The following ITGB5 variants were observed in gnomAD, a reference collection of about 807,000 sequenced individuals.
The protein encoded by ITGB5 is integrin subunit beta 5.
In ITGB5, 38 loss-of-function variants were observed where a neutral mutation model predicts 84.8. That is an observed-to-expected ratio of 0.45 (90% CI 0.35 to 0.59). The LOEUF (loss-of-function observed/expected upper bound fraction) is 0.59, where lower values mean the gene tolerates loss of function less well. Among genes scored for constraint, ITGB5 ranks in the 20% least tolerant of loss-of-function variants. ITGB5 has a pLI of 0.01. For synonymous variants in ITGB5, 393 were observed against 414.4 expected (o/e 0.95, Z 0.63); for missense variants, 905 against 1,034.5 (o/e 0.87, Z 1.72).
Position 124,796,404 on chromosome 3 carries a change from C to T in ITGB5, c.1677G>A (p.Lys559=). ...ECDNFSCARN[K]GVLCSGHGEC... is the part of the protein sequence containing the mutation. Reference sequence around the variant, plus strand: ...GACACTTACCTGAGCAGAGGACTCCCTTGTTCCTGGCACAGGAGAAGTTGT... The same window carrying T: ...GACACTTACCTGAGCAGAGGACTCCTTTGTTCCTGGCACAGGAGAAGTTGT... The change falls in exon 10 of 15, where the codon AAG becomes AAA. Residue 559 remains lysine (K), a synonymous_variant. Coordinates refer to ENST00000296181, the MANE Select transcript of ITGB5 (RefSeq NM_002213.5). 6.2e-7 allele frequency: 1 copy of T among 1,611,810 alleles called. No homozygotes were observed. Among genetic ancestry groups the T allele is most frequent in the Non-Finnish European group, 8.5e-7 (1 of 1,178,620 alleles).
intron 1 of ITGB5, among the ~76,000 whole-genome samples, chr3:124,892,755 AAAAT>A (rs1935026938): frequency 1.4e-5 from 2 of 147,628 alleles, no homozygotes; most frequent in Admixed American, 6.9e-5. Flanking sequence ...TTTACCTGTA[AAAAT>A]AAATAAACAA....
intron 2 of ITGB5, among the ~76,000 whole-genome samples, chr3:124,866,991 T>C (rs1236993538): frequency 2.0e-5 from 3 of 152,356 alleles, no homozygotes; most frequent in Admixed American, 2.0e-4. Flanking sequence ...CTATAGTTTA[T>C]GTGAGCTGGA....
chr3:124,847,769 T>TA (rs2065097330), intron 4 of ITGB5, among the ~76,000 whole-genome samples: 1 of 152,158 alleles, frequency 6.6e-6, no homozygotes, highest in Admixed American at 6.5e-5. Flanking sequence ...TGGCAGCAGT[T>TA]AGAGACACCT....
chr3:124,771,332 A>T (rs1316887705), intron 11 of ITGB5, among the ~76,000 whole-genome samples: 1 of 152,200 alleles, frequency 6.6e-6, no homozygotes, highest in Admixed American at 6.5e-5. Flanking sequence ...CCTAACAAGC[A>T]GCAAGTAGAA....
chr3:124,786,168 G>C (rs995572748), intron 10 of ITGB5, among the ~76,000 whole-genome samples: 2 of 152,040 alleles, frequency 1.3e-5, no homozygotes, highest in African/African-American at 2.4e-5. Flanking sequence ...GCTTGCTCAT[G>C]ATGAGTGCAA....
intron 10 of ITGB5, among the ~76,000 whole-genome samples, chr3:124,786,563 G>A (rs2064084702): frequency 6.6e-6 from 1 of 152,166 alleles, no homozygotes; most frequent in Non-Finnish European, 1.5e-5. Flanking sequence ...TGGCTATGGG[G>A]TGGAGTGACA....
At chr3:124,797,063 C>T (rs1287901669) in intron 9 of ITGB5, among the ~76,000 whole-genome samples, 1 of 152,226 alleles carries the variant, frequency 6.6e-6, no homozygotes, top group Non-Finnish European at 1.5e-5. Context: ...TTCATTATCT[C>T]TTTGCATCCC....
chr3:124,829,493 C>A (rs1013931997), intron 5 of ITGB5, among the ~76,000 whole-genome samples: 1 of 152,188 alleles, frequency 6.6e-6, no homozygotes, highest in Non-Finnish European at 1.5e-5. Flanking sequence ...CACACTCATG[C>A]GAGGGAACGA....
At chr3:124,833,194 A>G (rs927196762) in intron 5 of ITGB5, among the ~76,000 whole-genome samples, 3 of 152,196 alleles carry the variant, frequency 2.0e-5, no homozygotes, top group Non-Finnish European at 4.4e-5. Context: ...GGATACAGAC[A>G]TTCCTCTTGA....
chr3:124,801,700 C>T lies in ITGB5; in HGVS notation c.1264-4883G>A, dbSNP rs548067746. 3.9e-5 allele frequency among the ~76,000 whole-genome samples: 6 copies of T among 152,366 alleles called. No homozygotes were observed. In the South Asian group the frequency reaches 8.3e-4, roughly 21 times the overall value. ...TTGATACTCTTGTCTACCCCCACCA[C>T]CATTCCCTGACTTGCCCATAGCCCT... is the stretch of plus-strand genomic sequence containing the variant. On this transcript the variant is annotated intron_variant, in intron 9 of 14. Coordinates refer to ENST00000296181, the MANE Select transcript of ITGB5 (RefSeq NM_002213.5).
chr3:124,894,250 A>C (rs1935057294), intron 1 of ITGB5, among the ~76,000 whole-genome samples: 1 of 146,226 alleles, frequency 6.8e-6, no homozygotes, highest in African/African-American at 2.5e-5. Flanking sequence ...CTCCTACCTC[A>C]GCCTCCCACA....
intron 11 of ITGB5, 78 bp from the exon 12 acceptor site, chr3:124,769,191 G>A (rs2063807944): frequency 6.2e-6 from 7 of 1,123,268 alleles, no homozygotes; most frequent in Non-Finnish European, 9.2e-6. Flanking sequence ...TCCTGACAGT[G>A]CAGGACCTGG....
chr3:124,874,022 G>A (rs1223621019), intron 1 of ITGB5, among the ~76,000 whole-genome samples: 1 of 150,358 alleles, frequency 6.7e-6, no homozygotes, highest in Non-Finnish European at 1.5e-5. Flanking sequence ...AATTAAGATA[G>A]AGGAAATCCA....
Position 124,871,185 on chromosome 3 carries a change from A to C in ITGB5, c.156+2261T>G, listed in dbSNP as rs1289855461. Among the ~76,000 whole-genome samples the C allele has an allele frequency of 2.7e-5, 4 of 149,542 alleles. No homozygotes were observed. In the East Asian group the frequency reaches 6.0e-4, roughly 23 times the overall value. ...GGATTACAGGTGTGAGCCACTGCAC[A>C]CCAGGCCTGAATTGATTCTTTTTTT... is the stretch of plus-strand genomic sequence containing the variant. On this transcript the variant is annotated intron_variant, in intron 2 of 14. Transcript: ENST00000296181.
intron 1 of ITGB5, among the ~76,000 whole-genome samples, chr3:124,876,319 A>C (rs759710756): frequency 1.3e-5 from 2 of 152,162 alleles, no homozygotes; most frequent in Non-Finnish European, 2.9e-5. Flanking sequence ...GAAAAGAAAA[A>C]TTTAAAAAGT....
chr3:124,834,150 T>G (rs944876586), intron 5 of ITGB5, among the ~76,000 whole-genome samples: 3 of 152,128 alleles, frequency 2.0e-5, no homozygotes, highest in Non-Finnish European at 4.4e-5. Context: ...GGTGGCTACC[T>G]GTTGTCGTAC....
Position 124,809,049 on chromosome 3 carries a change from C to G in ITGB5, c.1236G>C (p.Lys412Asn). 2 of 1,614,158 alleles carry G rather than the reference C, an allele frequency of 1.2e-6. No homozygotes were observed. The highest frequency in any genetic ancestry group is 1.7e-6 in the Non-Finnish European group (2 of 1,180,022). ...TGTCCCCAATCTTCAGACCCTCACA[C>G]TTCCTCTGACCAGGATAGGATACCC... ...QDGVSYPGQR[K>N]CEGLKIGDTA... Residue 412 changes from lysine (K) to asparagine (N), a missense_variant, in exon 9 of 15, where the codon AAG becomes AAC. Lys to Asn is a moderately conservative substitution (Grantham distance 94). Coordinates refer to ENST00000296181, the MANE Select transcript of ITGB5 (RefSeq NM_002213.5).
intron 3 of ITGB5, among the ~76,000 whole-genome samples, chr3:124,852,619 T>C (rs2065172878): frequency 1.3e-5 from 2 of 152,086 alleles, no homozygotes; most frequent in African/African-American, 4.8e-5. Flanking sequence ...AAGTGAAAAG[T>C]TGGCATTTTC....
chr3:124,782,785 G>C (rs1011507118), intron 10 of ITGB5, among the ~76,000 whole-genome samples: 1 of 152,044 alleles, frequency 6.6e-6, no homozygotes, highest in Non-Finnish European at 1.5e-5. Context: ...TTGAACCCAG[G>C]AGGTGGAGGA....
Sources: gnomAD v4.1 joint callset for allele counts (sites outside exome capture counted in the v4.1 genomes callset) on GRCh38, gnomAD v4.1.1 for gene constraint, MANE v1.5 for transcripts, NCBI Gene and HGNC (gene_info 2026-07-23, HGNC 2026-07-21) for gene names.